RBM15: variants seen among roughly 807,000 people sequenced by gnomAD.
RBM15 encodes the protein RNA-binding protein 15.
A neutral mutation model predicts 62.6 loss-of-function variants in RBM15; 8 were observed. The observed-to-expected ratio is 0.13, with a 90% CI of 0.07 to 0.23. The LOEUF (loss-of-function observed/expected upper bound fraction) is 0.23, where lower values mean the gene tolerates loss of function less well. Among genes scored for constraint, RBM15 ranks in the 10% least tolerant of loss-of-function variants. The pLI is 1.00. For missense variants in RBM15, 1,144 were observed against 1,286.5 expected, an observed-to-expected ratio of 0.89 and a Z score of 1.69; for synonymous variants, 606 against 505.7, an observed-to-expected ratio of 1.20 and a Z score of -2.66.
chr1:110,340,312 A>G lies in RBM15; in HGVS notation c.907A>G (p.Arg303Gly). The part of the protein sequence containing the change: ...LSPGGAALGY[R>G]DYRLQQLALG... The stretch of plus-strand genomic sequence containing the variant: ...CCCTGGTGGCGCTGCTTTGGGATAC[A>G]GAGACTACCGGCTGCAGCAGTTGGC... The change falls in exon 1 of 3, where the codon AGA becomes GGA. Residue 303 changes from arginine to glycine, a missense_variant. Physicochemically the swap from Arg to Gly is moderately radical, Grantham distance 125. Coordinates refer to ENST00000369784, the MANE Select transcript of RBM15 (RefSeq NM_022768.5). The surrounding 1 kb of genome is among the most constrained non-coding windows in gnomAD (Gnocchi z 5.8). 1 of 1,614,230 alleles carries G rather than the reference A, an allele frequency of 6.2e-7. No individual in the cohort carries two copies. The highest frequency in any genetic ancestry group is 8.5e-7 in the Non-Finnish European group (1 of 1,180,028).
Position 110,341,310 on chromosome 1 carries a change from C to G in RBM15, c.1905C>G (p.Ser635Arg). ...GAGGTGATCGAGATCTGCCCAGCAGCAGAGACCAGCCTAGGAAGCGAAGGC... is the reference window on the plus strand; with the variant it reads ...GAGGTGATCGAGATCTGCCCAGCAGGAGAGACCAGCCTAGGAAGCGAAGGC... ...RDRGDRDLPS[S>R]RDQPRKRRLP... is the part of the protein sequence containing the mutation. Residue 635 changes from serine (S) to arginine (R), a missense_variant, in exon 1 of 3, where the codon AGC (serine) becomes AGG (arginine). Coordinates refer to ENST00000369784, the MANE Select transcript of RBM15 (RefSeq NM_022768.5). The surrounding 1 kb of genome is among the most constrained non-coding windows in gnomAD (Gnocchi z 4.5). The G allele has an allele frequency of 6.2e-7, 1 of 1,614,150 alleles. No homozygotes were observed. Among genetic ancestry groups the G allele is most frequent in the Non-Finnish European group, 8.5e-7 (1 of 1,180,034 alleles).
chr1:110,345,731 T>G, intron 2 of RBM15, 82 bp downstream of exon 2: 1 of 823,652 alleles, frequency 1.2e-6, no homozygotes, highest in East Asian at 2.7e-5. Flanking sequence ...ATTCCTGAAG[T>G]GTTCTTTGGC....
rs375914380 is a variant in RBM15, at chr1:110,339,558, G to A, written c.153G>A (p.Ser51=). 2 of 1,604,788 alleles carry A rather than the reference G, an allele frequency of 1.2e-6. No individual in the cohort carries two copies. Among genetic ancestry groups the A allele is most frequent in the Non-Finnish European group, 8.5e-7 (1 of 1,173,076 alleles). ...CAACAATGAAGGGAAAAGAGCGCTC[G>A]CCAGTGAAGGCCAAACGCTCCCGTG... The part of the protein sequence containing the change: ...RPATMKGKER[S]PVKAKRSRGG... The change falls in exon 1 of 3, where the codon TCG becomes TCA. Residue 51 remains serine (S), a synonymous_variant. Coordinates refer to ENST00000369784, the MANE Select transcript of RBM15 (RefSeq NM_022768.5).
intron 1 of RBM15, among the ~76,000 whole-genome samples, chr1:110,344,125 A>G (rs1230019022): frequency 6.6e-6 from 1 of 152,184 alleles, no homozygotes; most frequent in African/African-American, 2.4e-5. Context: ...AAGACTTTTG[A>G]TGCTTCTTGC....
At position 110,340,794 on chromosome 1, in the gene RBM15, A is replaced by G; in HGVS notation, c.1389A>G (p.Gly463=). 1 of 1,614,116 alleles carries G rather than the reference A, an allele frequency of 6.2e-7. No individual in the cohort carries two copies. The highest frequency in any genetic ancestry group is 8.5e-7 in the Non-Finnish European group (1 of 1,180,002). The change falls in exon 1 of 3, where the codon GGA becomes GGG. Residue 463 remains glycine (G), a synonymous_variant. Transcript: ENST00000369784. This position sits in a 1 kb window ranked among gnomAD's most constrained non-coding sequence, Gnocchi z 5.8. ...PTTRLWVGGL[G]PWVPLAALAR... ...CCCGCCTCTGGGTGGGAGGCCTGGG[A>G]CCTTGGGTTCCTCTTGCTGCCCTGG...
At chr1:110,343,342 C>T (rs563853827) in intron 1 of RBM15, among the ~76,000 whole-genome samples, 1 of 152,208 alleles carries the variant, frequency 6.6e-6, no homozygotes, top group Non-Finnish European at 1.5e-5. Flanking sequence ...CATATTTAAA[C>T]AGTAGTGACA....
rs375892527 is a variant in RBM15, at chr1:110,341,879, A to C, written c.2474A>C (p.Lys825Thr). ...CTTGTGGAGGGTTCAACTGGAGGCAAAGTGGCCCAGCTCAAGATCACTCAG... is the reference window on the plus strand; with the variant it reads ...CTTGTGGAGGGTTCAACTGGAGGCACAGTGGCCCAGCTCAAGATCACTCAG... Reference protein sequence around the residue: ...SLLVEGSTGGKVAQLKITQRL... With the variant: ...SLLVEGSTGGTVAQLKITQRL... The change falls in exon 1 of 3, where the codon AAA (lysine) becomes ACA (threonine). Residue 825 changes from lysine (K) to threonine (T), a missense_variant. Lys to Thr is a moderately conservative substitution (Grantham distance 78). Coordinates refer to ENST00000369784, the MANE Select transcript of RBM15 (RefSeq NM_022768.5). The surrounding 1 kb of genome is among the most constrained non-coding windows in gnomAD (Gnocchi z 4.5). 7 of 1,614,108 alleles carry C rather than the reference A, an allele frequency of 4.3e-6. No individual in the cohort carries two copies. In the East Asian group the frequency reaches 8.9e-5, roughly 21 times the overall value.
In RBM15 at chr1:110,339,463, G is replaced by A. The variant is rs1391694997; in HGVS notation, c.58G>A (p.Val20Ile). The change falls in exon 1 of 3, where the codon GTT (valine) becomes ATT (isoleucine). Residue 20 changes from valine (V) to isoleucine (I), a missense_variant. Physicochemically the swap from Val to Ile is conservative, Grantham distance 29 (BLOSUM62 3). Transcript: ENST00000369784. The part of the protein sequence containing the change: ...PRRSPRWRRA[V>I]PLCETSAGRR... ...GCGGAGTCCAAGATGGCGGCGTGCG[G>A]TTCCGCTGTGTGAAACGAGCGCGGG... The A allele has an allele frequency of 4.5e-6, 7 of 1,557,408 alleles. No individual in the cohort carries two copies. The highest frequency in any genetic ancestry group is 1.4e-5 in the African/African-American group (1 of 73,504).
At position 110,341,402 on chromosome 1, in the gene RBM15, A is replaced by T. The variant is rs775297229; in HGVS notation, c.1997A>T (p.His666Leu). 8.1e-6 allele frequency: 13 copies of T among 1,614,172 alleles called. No homozygotes were observed. In the South Asian group the frequency reaches 1.3e-4, roughly 16 times the overall value. The change falls in exon 1 of 3, where the codon CAC becomes CTC. Residue 666 changes from histidine to leucine, a missense_variant. Transcript: ENST00000369784. This position sits in a 1 kb window ranked among gnomAD's most constrained non-coding sequence, Gnocchi z 4.5. ...SPESDRPRKR[H>L]CAPSPDRSPE... Reference sequence around the variant, plus strand: ...GAGAGTGACCGCCCACGAAAACGTCACTGCGCTCCTTCTCCTGACCGCAGT... The same window carrying T: ...GAGAGTGACCGCCCACGAAAACGTCTCTGCGCTCCTTCTCCTGACCGCAGT...
rs1452768507 is a variant in RBM15, at chr1:110,343,935, T to G, written c.2864-1604T>G. ...CAGCACAAAAGTGTCATCACTGCTG[T>G]GTCATCCCTCTTGGTTTTCACTATG... is the stretch of plus-strand genomic sequence containing the variant. On this transcript the variant is annotated intron_variant, in intron 1 of 2. Transcript: ENST00000369784. 2.6e-5 allele frequency among the ~76,000 whole-genome samples: 4 copies of G among 152,366 alleles called. No individual in the cohort carries two copies. In the East Asian group the frequency reaches 7.7e-4, roughly 29 times the overall value.
chr1:110,341,540 G>A lies in RBM15; in HGVS notation c.2135G>A (p.Ser712Asn), dbSNP rs1309272381. The A allele has an allele frequency of 1.9e-6, 3 of 1,614,064 alleles. No individual in the cohort carries two copies. The highest frequency in any genetic ancestry group is 1.6e-4 in the Middle Eastern group (1 of 6,062). The change falls in exon 1 of 3, where the codon AGC becomes AAC. Residue 712 changes from serine to asparagine, a missense_variant. Physicochemically the swap from Ser to Asn is conservative, Grantham distance 46. Transcript: ENST00000369784. The surrounding 1 kb of genome is among the most constrained non-coding windows in gnomAD (Gnocchi z 4.5). The part of the protein sequence containing the change: ...IRDRRGSLEK[S>N]QGDKRDRKNS... ...GACAGACGAGGTAGTTTGGAGAAGA[G>A]CCAGGGTGACAAGCGAGACCGTAAA... is the stretch of plus-strand genomic sequence containing the variant.
At position 110,342,015 on chromosome 1, in the gene RBM15, GTCC is replaced by G. The variant is rs768367912; in HGVS notation, c.2616_2618del (p.Ser875del). ...CTGTGCCTGGAAGTTCTGACAGCCG[GTCC>G]TCCTCTTCCTCAGCTGCATCAGACA... On this transcript the variant is annotated inframe_deletion, in exon 1 of 3. Coordinates refer to ENST00000369784, the MANE Select transcript of RBM15 (RefSeq NM_022768.5). 5.6e-6 allele frequency: 9 copies of G among 1,614,096 alleles called. No homozygotes were observed. Among genetic ancestry groups the G allele is most frequent in the South Asian group, 2.2e-5 (2 of 91,088 alleles).
At position 110,339,806 on chromosome 1, in the gene RBM15, C is replaced by T. The variant is rs1213109417; in HGVS notation, c.401C>T (p.Ser134Phe). 7 of 1,600,664 alleles carry T rather than the reference C, an allele frequency of 4.4e-6. No individual in the cohort carries two copies. Among genetic ancestry groups the T allele is most frequent in the East Asian group, 2.2e-5 (1 of 44,532 alleles). ...HSYSSPSTKNSSGGGESRSSS... is the reference protein window; with the variant it reads ...HSYSSPSTKNFSGGGESRSSS... ...TATAGCTCCCCGAGCACCAAAAATTCTTCGGGCGGGGGCGAATCGCGCAGC... is the reference window on the plus strand; with the variant it reads ...TATAGCTCCCCGAGCACCAAAAATTTTTCGGGCGGGGGCGAATCGCGCAGC... Residue 134 changes from serine (S) to phenylalanine (F), a missense_variant, in exon 1 of 3, where the codon TCT becomes TTT. Coordinates refer to ENST00000369784, the MANE Select transcript of RBM15 (RefSeq NM_022768.5).
chr1:110,340,764 C>G lies in RBM15; in HGVS notation c.1359C>G (p.Pro453=). Residue 453 remains proline, a synonymous_variant, in exon 1 of 3, where the codon CCC becomes CCG. Coordinates refer to ENST00000369784, the MANE Select transcript of RBM15 (RefSeq NM_022768.5). The surrounding 1 kb of genome is among the most constrained non-coding windows in gnomAD (Gnocchi z 5.8). ...PIKIGYGKAT[P]TTRLWVGGLG... ...AAATTGGTTATGGTAAAGCTACACC[C>G]ACCACCCGCCTCTGGGTGGGAGGCC... 1 of 1,614,144 alleles carries G rather than the reference C, an allele frequency of 6.2e-7. No individual in the cohort carries two copies. The highest frequency in any genetic ancestry group is 1.1e-5 in the South Asian group (1 of 91,076).
Position 110,341,569 on chromosome 1 carries a change from T to A in RBM15, c.2164T>A (p.Ser722Thr). 1 of 1,613,994 alleles carries A rather than the reference T, an allele frequency of 6.2e-7. No individual in the cohort carries two copies. The highest frequency in any genetic ancestry group is 8.5e-7 in the Non-Finnish European group (1 of 1,180,024). ...SQGDKRDRKN[S>T]ASAERDRKHR... The stretch of plus-strand genomic sequence containing the variant: ...GGGTGACAAGCGAGACCGTAAAAAC[T>A]CTGCATCAGCTGAACGAGATAGGAA... The change falls in exon 1 of 3, where the codon TCT (serine) becomes ACT (threonine). Residue 722 changes from serine (S) to threonine (T), a missense_variant. Transcript: ENST00000369784. The surrounding 1 kb of genome is among the most constrained non-coding windows in gnomAD (Gnocchi z 4.5).
rs144005415 is a variant in RBM15 at position 110,340,412 on chromosome 1, A to G, written c.1007A>G (p.Tyr336Cys). Reference protein sequence around the residue: ...DLERERDYPFYERVRPAYSLE... With the variant: ...DLERERDYPFCERVRPAYSLE... Reference sequence around the variant, plus strand: ...GAGAGAGAAAGAGACTACCCGTTCTATGAGAGAGTGCGCCCTGCATACAGT... The same window carrying G: ...GAGAGAGAAAGAGACTACCCGTTCTGTGAGAGAGTGCGCCCTGCATACAGT... The change falls in exon 1 of 3, where the codon TAT (tyrosine) becomes TGT (cysteine). Residue 336 changes from tyrosine to cysteine, a missense_variant. This residue lies in a region of RBM15 where 188 missense variants were observed against 185.6 expected (regional missense o/e 1.01). Transcript: ENST00000369784. This position sits in a 1 kb window ranked among gnomAD's most constrained non-coding sequence, Gnocchi z 5.8. The G allele has an allele frequency of 3.2e-5, 52 of 1,614,212 alleles. No homozygotes were observed. The highest frequency in any genetic ancestry group is 2.2e-4 in the East Asian group (10 of 44,886).
In RBM15 at chr1:110,340,475, C is replaced by T. The variant is rs1460644964; in HGVS notation, c.1070C>T (p.Pro357Leu). Residue 357 changes from proline (P) to leucine (L), a missense_variant, in exon 1 of 3, where the codon CCT (proline) becomes CTT (leucine). Physicochemically the swap from Pro to Leu is moderately conservative, Grantham distance 98 (BLOSUM62 -3). Coordinates refer to ENST00000369784, the MANE Select transcript of RBM15 (RefSeq NM_022768.5). This position sits in a 1 kb window ranked among gnomAD's most constrained non-coding sequence, Gnocchi z 5.8. The part of the protein sequence containing the change: ...PRVGAGAGAA[P>L]FREVDEISPE... Reference sequence around the variant, plus strand: ...GTGGGAGCTGGAGCAGGTGCTGCTCCTTTCAGAGAAGTGGATGAGATTTCA... The same window carrying T: ...GTGGGAGCTGGAGCAGGTGCTGCTCTTTTCAGAGAAGTGGATGAGATTTCA... The T allele has an allele frequency of 5.6e-6, 9 of 1,613,800 alleles. No individual in the cohort carries two copies. Among genetic ancestry groups the T allele is most frequent in the African/African-American group, 1.3e-5 (1 of 74,806 alleles).
rs759616745 is a variant in RBM15 at position 110,341,031 on chromosome 1, C to T, written c.1626C>T (p.Pro542=). ...AGCAGCAGTATCTGCAGCCTCTGCCCTTGACTCATTATGAGCTGGTGACAG... is the reference window on the plus strand; with the variant it reads ...AGCAGCAGTATCTGCAGCCTCTGCCTTTGACTCATTATGAGCTGGTGACAG... The part of the protein sequence containing the change: ...RYQQQYLQPL[P]LTHYELVTDA... Residue 542 remains proline (P), a synonymous_variant, in exon 1 of 3, where the codon CCC becomes CCT. Coordinates refer to ENST00000369784, the MANE Select transcript of RBM15 (RefSeq NM_022768.5). The surrounding 1 kb of genome is among the most constrained non-coding windows in gnomAD (Gnocchi z 4.5). 17 of 1,614,106 alleles carry T rather than the reference C, an allele frequency of 1.1e-5. No individual in the cohort carries two copies. The highest frequency in any genetic ancestry group is 1.4e-5 in the Non-Finnish European group (16 of 1,180,050).
At position 110,341,248 on chromosome 1, in the gene RBM15, G is replaced by T; in HGVS notation, c.1843G>T (p.Asp615Tyr). ...VPAYEPLDSLDRRRDGWSLDR... is the reference protein window; with the variant it reads ...VPAYEPLDSLYRRRDGWSLDR... ...TGCTTACGAGCCACTGGATAGCCTAGATCGCAGGCGGGATGGTTGGTCCTT... is the reference window on the plus strand; with the variant it reads ...TGCTTACGAGCCACTGGATAGCCTATATCGCAGGCGGGATGGTTGGTCCTT... Residue 615 changes from aspartate (D) to tyrosine (Y), a missense_variant, in exon 1 of 3, where the codon GAT (aspartate) becomes TAT (tyrosine). Asp to Tyr is a radical substitution (Grantham distance 160). This residue lies in a region of RBM15 where 360 missense variants were observed against 342.9 expected (regional missense o/e 1.05). Transcript: ENST00000369784. This position sits in a 1 kb window ranked among gnomAD's most constrained non-coding sequence, Gnocchi z 4.5. 1 of 1,614,176 alleles carries T rather than the reference G, an allele frequency of 6.2e-7. No individual in the cohort carries two copies. The highest frequency in any genetic ancestry group is 8.5e-7 in the Non-Finnish European group (1 of 1,180,028).
Sources: gnomAD v4.1 joint callset for allele counts (sites outside exome capture counted in the v4.1 genomes callset) on GRCh38, gnomAD v4.1.1 for gene constraint, gnomAD v4.1.1 regional missense constraint, Gnocchi (gnomAD v3.1) non-coding constraint, MANE v1.5 for transcripts, NCBI Gene and HGNC (gene_info 2026-07-23, HGNC 2026-07-21) for gene names.